DMRT1: variants seen among roughly 807,000 people sequenced by gnomAD.
DMRT1 encodes the protein doublesex and mab-3 related transcription factor 1, also known as doublesex- and mab-3-related transcription factor 1.
DMRT1 carries 7 observed loss-of-function variants against 32.3 expected under a neutral mutation model. That is an observed-to-expected ratio of 0.22 (90% CI 0.12 to 0.41). The LOEUF is 0.41. Ranked by LOEUF, DMRT1 falls within the 10% of genes least tolerant of loss-of-function variation. The pLI is 1.00. For missense variants in DMRT1, 625 were observed against 500.5 expected (o/e 1.25, Z -2.37); for synonymous variants, 278 against 206.1 (o/e 1.35, Z -2.99).
chr9:959,178 C>T (rs1464870010), intron 4 of DMRT1, among the ~76,000 whole-genome samples: 1 of 152,008 alleles, frequency 6.6e-6, no homozygotes, highest in Non-Finnish European at 1.5e-5. Context: ...ATCTTCTTTG[C>T]CCAGCCTGCC....
chr9:917,646 A>G (rs533688073), intron 4 of DMRT1, among the ~76,000 whole-genome samples: 1 of 152,336 alleles, frequency 6.6e-6, no homozygotes, highest in East Asian at 1.9e-4. Context: ...GTGTCTTGGA[A>G]GAGAAACCAA....
At chr9:845,769 G>A (rs926482906) in intron 1 of DMRT1, among the ~76,000 whole-genome samples, 3 of 116,336 alleles carry the variant, frequency 2.6e-5, no homozygotes, top group African/African-American at 8.3e-5. Context: ...TTCCTAAGCA[G>A]ACCCTGCCTG....
intron 3 of DMRT1, among the ~76,000 whole-genome samples, chr9:903,632 C>A (rs942736668): frequency 6.6e-6 from 1 of 152,140 alleles, no homozygotes; most frequent in African/African-American, 2.4e-5. Context: ...TGAGCCCAGA[C>A]AGATGGTGAG....
rs1003638237 is a variant in DMRT1, at chr9:895,940, G to A, written c.822+1745G>A. Among the ~76,000 whole-genome samples the A allele has an allele frequency of 2.0e-5, 3 of 151,878 alleles. No homozygotes were observed. In the East Asian group the frequency reaches 5.8e-4, roughly 30 times the overall value. On this transcript the variant is annotated intron_variant, in intron 3 of 4. Coordinates refer to ENST00000382276, the MANE Select transcript of DMRT1 (RefSeq NM_021951.3). Reference sequence around the variant, plus strand: ...CTGCCTCAGCCTCCCGAGTAGCTGGGACTACAGGCACGCGCCACCAAGCCC... The same window carrying A: ...CTGCCTCAGCCTCCCGAGTAGCTGGAACTACAGGCACGCGCCACCAAGCCC...
At chr9:953,552 G>A (rs962563727) in intron 4 of DMRT1, among the ~76,000 whole-genome samples, 8 of 152,248 alleles carry the variant, frequency 5.3e-5, no homozygotes, top group East Asian at 3.9e-4. Context: ...CTTCTCTCTC[G>A]CCTGCAGGAA....
intron 2 of DMRT1, among the ~76,000 whole-genome samples, chr9:867,724 A>G (rs968778804): frequency 6.6e-6 from 1 of 152,166 alleles, no homozygotes; most frequent in African/African-American, 2.4e-5. Context: ...CATTGTGGTC[A>G]TGAGAGTAGT....
intron 2 of DMRT1, among the ~76,000 whole-genome samples, chr9:848,906 A>G (rs10815853): frequency 0.63 from 75,043 of 119,368 alleles, 24,194 homozygotes; most frequent in Non-Finnish European, 0.72. Flanking sequence ...TACGATCTTT[A>G]TGCTTTAAGA....
At chr9:853,260 A>G (rs1815240050) in intron 2 of DMRT1, among the ~76,000 whole-genome samples, 1 of 152,090 alleles carries the variant, frequency 6.6e-6, no homozygotes, top group South Asian at 2.1e-4. Flanking sequence ...ATTGTCATCC[A>G]GAGTCCGTAG....
chr9:859,039 C>T (rs1253406652), intron 2 of DMRT1, among the ~76,000 whole-genome samples: 1 of 152,100 alleles, frequency 6.6e-6, no homozygotes, highest in African/African-American at 2.4e-5. Context: ...ATTTACCCCT[C>T]TCATGAACTA....
At chr9:947,619 C>G (rs1445891280) in intron 4 of DMRT1, among the ~76,000 whole-genome samples, 2 of 152,076 alleles carry the variant, frequency 1.3e-5, no homozygotes, top group East Asian at 3.9e-4. Flanking sequence ...AACCCCTTCA[C>G]TTTATTTTTA....
chr9:884,341 A>C (rs1816842656), intron 2 of DMRT1, among the ~76,000 whole-genome samples: 1 of 150,640 alleles, frequency 6.6e-6, no homozygotes. Flanking sequence ...TGAAGGAGTG[A>C]ATCATATTTC....
chr9:886,749 T>C (rs1816946601), intron 2 of DMRT1, among the ~76,000 whole-genome samples: 1 of 152,122 alleles, frequency 6.6e-6, no homozygotes, highest in Non-Finnish European at 1.5e-5. Context: ...AAATATTACT[T>C]TTAGGTTTAT....
At chr9:916,673 G>C in intron 3 of DMRT1, 90 bp from the exon 4 acceptor site, 1 of 1,515,060 alleles carries the variant, frequency 6.6e-7, no homozygotes, top group Admixed American at 1.7e-5. Context: ...TGCCCAGCCT[G>C]TTACCTTGTT....
intron 4 of DMRT1, among the ~76,000 whole-genome samples, chr9:962,484 C>T (rs1334542038): frequency 7.1e-6 from 1 of 140,870 alleles, no homozygotes. Flanking sequence ...TGACCTCCTC[C>T]ATGAAACAAG....
Position 968,196 on chromosome 9 carries a change from A to T in DMRT1, c.*57A>T, listed in dbSNP as rs1356806520. The T allele has an allele frequency of 6.2e-7, 1 of 1,600,756 alleles. No homozygotes were observed. Among genetic ancestry groups the T allele is most frequent in the East Asian group, 2.2e-5 (1 of 44,696 alleles). Reference sequence around the variant, plus strand: ...GAGTAACAGGCTTATTCCACTTTCCATGGGGTTTGTTAATATTTTGCATTG... The same window carrying T: ...GAGTAACAGGCTTATTCCACTTTCCTTGGGGTTTGTTAATATTTTGCATTG... On this transcript the variant is annotated 3_prime_UTR_variant, in exon 5 of 5. Transcript: ENST00000382276.
At chr9:954,158 G>T (rs934047136) in intron 4 of DMRT1, among the ~76,000 whole-genome samples, 1 of 152,208 alleles carries the variant, frequency 6.6e-6, no homozygotes, top group African/African-American at 2.4e-5. Context: ...TAATAAGCAC[G>T]GGGAGAAGTG....
intron 2 of DMRT1, among the ~76,000 whole-genome samples, chr9:865,309 T>G (rs1273530067): frequency 6.6e-6 from 1 of 152,194 alleles, no homozygotes; most frequent in Non-Finnish European, 1.5e-5. Flanking sequence ...TTACCACCTC[T>G]CTGATTTTCA....
chr9:876,514 T>G (rs1226423618), intron 2 of DMRT1, among the ~76,000 whole-genome samples: 1 of 145,492 alleles, frequency 6.9e-6, no homozygotes, highest in African/African-American at 2.6e-5. Flanking sequence ...CTAGGTTGAC[T>G]CCTCGTCAAT....
rs139894355 is a variant in DMRT1 at position 952,611 on chromosome 9, G to C, written c.968-15374G>C. Among the ~76,000 whole-genome samples the C allele has an allele frequency of 2.1e-3, 327 of 152,266 alleles. 2 individuals carry two copies. Among genetic ancestry groups the C allele is most frequent in the African/African-American group, 7.5e-3 (311 of 41,542 alleles). On this transcript the variant is annotated intron_variant, in intron 4 of 4. Transcript: ENST00000382276. The stretch of plus-strand genomic sequence containing the variant: ...GATTACTTATGCTTGAAGGAGCTGA[G>C]GTCGCCATTTGTTATCTGACTGCTC...
Sources: allele counts gnomAD v4.1 joint callset (sites outside exome capture counted in the v4.1 genomes callset), GRCh38; gene constraint gnomAD v4.1.1; transcripts MANE v1.5; gene names NCBI Gene and HGNC (gene_info 2026-07-23, HGNC 2026-07-21).